The following CLVS1 variants were observed in gnomAD, a reference collection of about 807,000 sequenced individuals.
CLVS1 encodes clavesin-1.
Under a neutral mutation model 33.1 loss-of-function variants are expected in CLVS1, and 10 were observed. The observed-to-expected ratio is 0.30, with a 90% CI of 0.19 to 0.51. The LOEUF is 0.51. CLVS1 is among the 20% of genes least tolerant of loss of function. CLVS1 has a pLI of 0.97. For synonymous variants in CLVS1, 163 were observed against 166.1 expected, an observed-to-expected ratio of 0.98 and a Z score of 0.14; for missense variants, 343 against 433.4, an observed-to-expected ratio of 0.79 and a Z score of 1.85.
intron 2 of CLVS1, among the ~76,000 whole-genome samples, chr8:61,268,529 C>G (rs1456052921): frequency 6.7e-6 from 1 of 148,686 alleles, no homozygotes; most frequent in Non-Finnish European, 1.5e-5. Flanking sequence ...TGGGTATATA[C>G]CCAGTAATGG....
chr8:61,097,783 C>T (rs1805379113), intron 1 of CLVS1, among the ~76,000 whole-genome samples: 1 of 152,102 alleles, frequency 6.6e-6, no homozygotes, highest in South Asian at 2.1e-4. Flanking sequence ...GCTTTACCAC[C>T]CTGAGCAGTA....
At chr8:61,483,882 C>CTTT (rs1803764740) in intron 5 of CLVS1, among the ~76,000 whole-genome samples, 2 of 151,988 alleles carry the variant, frequency 1.3e-5, no homozygotes, top group Admixed American at 6.6e-5. Flanking sequence ...GAAAAGGCTC[C>CTTT]GACAAAATTC....
the CLVS1 span, among the ~76,000 whole-genome samples, chr8:61,001,503 C>T: frequency 3.3e-5 from 5 of 152,322 alleles, no homozygotes; most frequent in Non-Finnish European, 5.9e-5. Context: ...AGAGAAGATT[C>T]GCAAACCAAG....
intron 2 of CLVS1, among the ~76,000 whole-genome samples, chr8:61,275,577 T>G (rs184658765): frequency 5.1e-4 from 77 of 152,270 alleles, no homozygotes; most frequent in Admixed American, 5.0e-3. Flanking sequence ...TTGGAAGGAA[T>G]AGTAAAAAGG....
intron 2 of CLVS1, among the ~76,000 whole-genome samples, chr8:61,307,081 A>G (rs547692138): frequency 6.6e-6 from 1 of 152,356 alleles, no homozygotes; most frequent in East Asian, 1.9e-4. Context: ...AATCCAGATA[A>G]TAAAAGCCCC....
At chr8:60,971,599 C>T in the CLVS1 span, among the ~76,000 whole-genome samples, 2 of 152,066 alleles carry the variant, frequency 1.3e-5, no homozygotes, top group Non-Finnish European at 2.9e-5. Context: ...GTTGTTTACA[C>T]ATGTTTATTG....
chr8:61,448,851 A>G (rs879167666), intron 3 of CLVS1, among the ~76,000 whole-genome samples: 1 of 152,194 alleles, frequency 6.6e-6, no homozygotes, highest in Admixed American at 6.5e-5. Flanking sequence ...CGTGATGGCT[A>G]AATTAAAATC....
At chr8:61,001,045 TATTATC>T in the CLVS1 span, among the ~76,000 whole-genome samples, 1 of 152,210 alleles carries the variant, frequency 6.6e-6, no homozygotes, top group Admixed American at 6.5e-5. Context: ...CCCTTAAAGT[TATTATC>T]ATTATTATTT....
At chr8:61,332,094 C>T (rs1243681888) in intron 2 of CLVS1, among the ~76,000 whole-genome samples, 1 of 152,196 alleles carries the variant, frequency 6.6e-6, no homozygotes, top group Non-Finnish European at 1.5e-5. Context: ...GGTCTTCATC[C>T]TCTGAGAAAA....
intron 3 of CLVS1, among the ~76,000 whole-genome samples, chr8:61,450,867 T>G (rs1328856561): frequency 6.6e-6 from 1 of 152,222 alleles, no homozygotes; most frequent in East Asian, 1.9e-4. Flanking sequence ...ACTGGAAACA[T>G]GGTAGATTTT....
intron 2 of CLVS1, among the ~76,000 whole-genome samples, chr8:61,318,941 A>G (rs1002737142): frequency 2.0e-5 from 3 of 152,016 alleles, no homozygotes; most frequent in African/African-American, 7.2e-5. Context: ...TTCAGTGTCT[A>G]TAGTTTTTAT....
chr8:61,137,220 G>A (rs1806206601), intron 2 of CLVS1, among the ~76,000 whole-genome samples: 1 of 152,186 alleles, frequency 6.6e-6, no homozygotes, highest in East Asian at 1.9e-4. Flanking sequence ...ATGACCTTAG[G>A]AAAGTCTGAA....
At chr8:61,182,946 C>T (rs933737486) in intron 2 of CLVS1, among the ~76,000 whole-genome samples, 3 of 152,166 alleles carry the variant, frequency 2.0e-5, no homozygotes, top group Non-Finnish European at 4.4e-5. Context: ...TACATATACA[C>T]CACGAAATAC....
At chr8:61,484,733 T>C (rs1414092369) in intron 5 of CLVS1, among the ~76,000 whole-genome samples, 4 of 152,132 alleles carry the variant, frequency 2.6e-5, no homozygotes. Context: ...ATGGTACTGG[T>C]ACCAAAACAG....
chr8:61,190,949 C>T (rs13266623), intron 2 of CLVS1, among the ~76,000 whole-genome samples: 78,576 of 151,852 alleles, frequency 0.52, 21,045 homozygotes, highest in Middle Eastern at 0.69. Context: ...AGAGGTACAA[C>T]GAAGAGCTGG....
In CLVS1 at chr8:61,077,155, GCT is replaced by G. The variant is rs372176867; in HGVS notation, c.-243+19927_-243+19928del. Among the ~76,000 whole-genome samples the G allele has an allele frequency of 7.1e-4, 104 of 146,992 alleles. 3 individuals carry two copies. The East Asian group carries it at 0.021, about 29-fold the overall frequency. On this transcript the variant is annotated intron_variant, in intron 1 of 2. Coordinates refer to the CLVS1 transcript ENST00000522621. ...GTGGCGCGATCTCGGCTCACTGCAA[GCT>G]CCGCCTCCAGAGTTCACGCCATTCT...
intron 2 of CLVS1, among the ~76,000 whole-genome samples, chr8:61,327,294 C>T (rs921888008): frequency 6.6e-6 from 1 of 151,994 alleles, no homozygotes; most frequent in Non-Finnish European, 1.5e-5. Context: ...AGCATAAACA[C>T]CTATAGATAT....
intron 3 of CLVS1, among the ~76,000 whole-genome samples, chr8:61,438,336 T>C (rs1279084027): frequency 6.6e-6 from 1 of 152,224 alleles, no homozygotes; most frequent in Non-Finnish European, 1.5e-5. Context: ...CCTCCATCCA[T>C]GTCCCTGCAA....
intron 2 of CLVS1, chr8:61,301,202 C>T (rs906733671): frequency 6.6e-6 from 1 of 152,268 alleles, no homozygotes; most frequent in Non-Finnish European, 1.5e-5. Context: ...TCTGCATTTC[C>T]TGCTCTGCTT....
Sources: allele counts gnomAD v4.1 joint callset (sites outside exome capture counted in the v4.1 genomes callset), GRCh38; gene constraint gnomAD v4.1.1; transcripts MANE v1.5; gene names NCBI Gene and HGNC (gene_info 2026-07-23, HGNC 2026-07-21).